VPS37A: variants seen among roughly 807,000 people sequenced by gnomAD.
VPS37A encodes VPS37A subunit of ESCRT-I.
VPS37A carries 30 observed loss-of-function variants against 49.8 expected under a neutral mutation model. That is an observed-to-expected ratio of 0.60 (90% confidence interval 0.45 to 0.82). The LOEUF (loss-of-function observed/expected upper bound fraction) is 0.82. Ranked by LOEUF, VPS37A falls within the 40% of genes least tolerant of loss-of-function variation. The pLI is 0.00. For synonymous variants in VPS37A, 195 were observed against 160.6 expected, an observed-to-expected ratio of 1.21 and a Z score of -1.62; for missense variants, 593 against 464.4, an observed-to-expected ratio of 1.28 and a Z score of -2.55.
At chr8:17,247,453 C>A in intron 1 of VPS37A, 84 bp downstream of exon 1, 1 of 1,494,432 alleles carries the variant, frequency 6.7e-7, no homozygotes, top group South Asian at 1.3e-5. Flanking sequence ...GCGCCTCAGT[C>A]TGCTCCCCAC....
the VPS37A span, among the ~76,000 whole-genome samples, chr8:17,314,101 C>T: frequency 1.3e-5 from 2 of 152,072 alleles, no homozygotes; most frequent in African/African-American, 4.8e-5. Flanking sequence ...TATTATAAAC[C>T]ACCAACTTTC....
At chr8:17,282,877 C>T (rs907511152) in intron 9 of VPS37A, among the ~76,000 whole-genome samples, 1 of 152,210 alleles carries the variant, frequency 6.6e-6, no homozygotes, top group Admixed American at 6.5e-5. Context: ...CCATTGGTTC[C>T]GTGATGGAGG....
At chr8:17,250,983 A>C (rs1460867761) in intron 1 of VPS37A, among the ~76,000 whole-genome samples, 1 of 152,168 alleles carries the variant, frequency 6.6e-6, no homozygotes, top group Admixed American at 6.5e-5. Context: ...TCAGTTTATC[A>C]CCAAAACTCC....
rs1385911955 is a variant in VPS37A, at chr8:17,278,693, TTTTG to T, written c.714-1331_714-1328del. ...TAAGATTATTGAATGCAGGTTAAAT[TTTTG>T]TTTTTGTTTTTTACAGTTCTGTTGT... is the stretch of plus-strand genomic sequence containing the variant. On this transcript the variant is annotated intron_variant, in intron 6 of 11. Coordinates refer to ENST00000324849, the MANE Select transcript of VPS37A (RefSeq NM_152415.3). Among the ~76,000 whole-genome samples, 3 of 152,070 alleles carry T rather than the reference TTTTG, an allele frequency of 2.0e-5. No individual in the cohort carries two copies. In the East Asian group the frequency reaches 5.8e-4, roughly 29 times the overall value.
downstream of VPS37A, chr8:17,300,084 T>C (rs1478413786): frequency 5.6e-6 from 9 of 1,614,068 alleles, no homozygotes; most frequent in South Asian, 8.8e-5. Flanking sequence ...ATGGAAATGA[T>C]TTCATATTCC....
chr8:17,295,375 T>G lies in VPS37A; in HGVS notation c.*389T>G, dbSNP rs1029484169. The G allele has an allele frequency of 2.5e-4, 38 of 152,734 alleles. No individual in the cohort carries two copies. The highest frequency in any genetic ancestry group is 8.7e-4 in the African/African-American group (36 of 41,584). The allele number at this position is 152,734 out of a possible 1,614,324, so 9.5% of individuals were successfully genotyped here. ...TATCAAGGATGGTATTTAGATTTTT[T>G]TCCTCTTAACCTTTTTTCAAAAACT... On this transcript the variant is annotated 3_prime_UTR_variant, in exon 12 of 12. Transcript: ENST00000324849.
chr8:17,252,444 C>A (rs1039361844), intron 1 of VPS37A, among the ~76,000 whole-genome samples: 1 of 152,192 alleles, frequency 6.6e-6, no homozygotes, highest in African/African-American at 2.4e-5. Context: ...TCCCAAAGTG[C>A]TAGGATGACA....
At chr8:17,278,741 C>T (rs2150399312) in intron 6 of VPS37A, among the ~76,000 whole-genome samples, 1 of 151,924 alleles carries the variant, frequency 6.6e-6, no homozygotes, top group Admixed American at 6.6e-5. Flanking sequence ...TATGACATGC[C>T]AGAATATACT....
chr8:17,293,471 T>A (rs1197994114), intron 11 of VPS37A, among the ~76,000 whole-genome samples: 1 of 152,114 alleles, frequency 6.6e-6, no homozygotes, highest in Non-Finnish European at 1.5e-5. Context: ...TTCATCAAAC[T>A]CATTCTCAGT....
At chr8:17,257,272 T>A (rs1812551724) in intron 1 of VPS37A, among the ~76,000 whole-genome samples, 1 of 152,244 alleles carries the variant, frequency 6.6e-6, no homozygotes, top group Non-Finnish European at 1.5e-5. Flanking sequence ...TCCATTGGTC[T>A]GTGTGTTTGT....
Position 17,286,435 on chromosome 8 carries a change from G to T in VPS37A, c.*8G>T, listed in dbSNP as rs779748710. On this transcript the variant is annotated splice_region_variant and intron_variant, in intron 11 of 11. Transcript: ENST00000324849. Reference sequence around the variant, plus strand: ...TTTCATGCTCCACTATAGGTAAATTGTATTTCAAGTTTGAGTCTCAAGGTG... The same window carrying T: ...TTTCATGCTCCACTATAGGTAAATTTTATTTCAAGTTTGAGTCTCAAGGTG... 3.2e-5 allele frequency: 51 copies of T among 1,611,328 alleles called. No individual in the cohort carries two copies. The South Asian group carries it at 5.5e-4, about 17-fold the overall frequency.
At chr8:17,305,864 A>G, downstream of VPS37A, 1 of 1,613,680 alleles carries the variant, frequency 6.2e-7, no homozygotes, top group South Asian at 1.1e-5. Context: ...ACTCAAAGGC[A>G]CAGGGAAATT....
chr8:17,277,855 CTT>C (rs1814661015), intron 6 of VPS37A, among the ~76,000 whole-genome samples: 1 of 133,920 alleles, frequency 7.5e-6, no homozygotes, highest in Admixed American at 7.8e-5. Flanking sequence ...CAACTTTTCT[CTT>C]TTATACACAC....
rs989536875 is a variant in VPS37A, at chr8:17,297,010, T to A, written c.*2024T>A. ...TTGAATATGCCCGTATGAATGTGGG[T>A]TCTGTTTTTGCAACAGAGATTAAGT... On this transcript the variant is annotated 3_prime_UTR_variant, in exon 12 of 12. Coordinates refer to ENST00000324849, the MANE Select transcript of VPS37A (RefSeq NM_152415.3). 3 of 152,190 alleles carry A rather than the reference T, an allele frequency of 2.0e-5. No homozygotes were observed. Among genetic ancestry groups the A allele is most frequent in the African/African-American group, 7.2e-5 (3 of 41,466 alleles). 9.4% of individuals were successfully genotyped at this position (152,190 alleles called of 1,614,324 possible). A position where few individuals can be genotyped will look rare whatever the true frequency, so the allele number is the denominator to read the frequency against.
chr8:17,318,391 A>G, the VPS37A span, among the ~76,000 whole-genome samples: 2 of 152,144 alleles, frequency 1.3e-5, no homozygotes, highest in Non-Finnish European at 2.9e-5. Flanking sequence ...GTTCATGATA[A>G]TGGCTAGCAG....
chr8:17,268,249 C>T lies in VPS37A; in HGVS notation c.201-9C>T. The T allele has an allele frequency of 6.3e-7, 1 of 1,590,716 alleles. No homozygotes were observed. The highest frequency in any genetic ancestry group is 8.6e-7 in the Non-Finnish European group (1 of 1,160,926). On this transcript the variant is annotated splice_polypyrimidine_tract_variant and intron_variant, in intron 2 of 11. Coordinates refer to ENST00000324849, the MANE Select transcript of VPS37A (RefSeq NM_152415.3). ...TGTTTTTGTTTTTCATCTGTTCTAC[C>T]TCTACCAGATTGCTTCCTCCACAGT...
intron 2 of VPS37A, among the ~76,000 whole-genome samples, chr8:17,266,615 A>G (rs1014722731): frequency 6.6e-5 from 10 of 152,204 alleles, no homozygotes; most frequent in Admixed American, 5.2e-4. Context: ...GAGCCAGATA[A>G]GAAGGCACCT....
At chr8:17,286,797 A>G (rs1285871589) in intron 11 of VPS37A, among the ~76,000 whole-genome samples, 1 of 152,268 alleles carries the variant, frequency 6.6e-6, no homozygotes, top group African/African-American at 2.4e-5. Flanking sequence ...ACTTCCAGCC[A>G]GTCTCTTTCT....
chr8:17,324,122 T>C, the VPS37A span, among the ~76,000 whole-genome samples: 1 of 152,202 alleles, frequency 6.6e-6, no homozygotes, highest in South Asian at 2.1e-4. Context: ...GTGACATCAC[T>C]AATAAACAAG....
Sources: gnomAD v4.1 joint callset for allele counts (sites outside exome capture counted in the v4.1 genomes callset) on GRCh38, gnomAD v4.1.1 for gene constraint, MANE v1.5 for transcripts, NCBI Gene and HGNC (gene_info 2026-07-23, HGNC 2026-07-21) for gene names.